FAM219B: variants seen among roughly 807,000 people sequenced by gnomAD.
FAM219B encodes family with sequence similarity 219 member B.
FAM219B carries 18 observed loss-of-function variants against 19.9 expected under a neutral mutation model. That is an observed-to-expected ratio of 0.91 (90% confidence interval 0.63 to 1.34). FAM219B has a LOEUF of 1.34. Among genes scored for constraint, FAM219B ranks in the 40% most tolerant of loss-of-function variants. The pLI is 0.00. For missense variants in FAM219B, 283 were observed against 270.5 expected (o/e 1.05, Z -0.32); for synonymous variants, 123 against 117.5 (o/e 1.05, Z -0.30).
chr15:74,900,289 G>C lies in FAM219B; in HGVS notation c.*2330C>G, dbSNP rs1408934883. On this transcript the variant is annotated 3_prime_UTR_variant, in exon 5 of 5. Transcript: ENST00000357635. The stretch of plus-strand genomic sequence containing the variant: ...AGGTCCCTCCAGCTTTTTCTACAAG[G>C]TAACACCCTCCTACATGGGGTCAGC... 6.6e-6 allele frequency: 1 copy of C among 152,284 alleles called. No homozygotes were observed. The highest frequency in any genetic ancestry group is 1.5e-5 in the Non-Finnish European group (1 of 68,152). The allele number at this position is 152,284 out of a possible 1,614,324, so 9.4% of individuals were successfully genotyped here. A position where few individuals can be genotyped will look rare whatever the true frequency, so the allele number is the denominator to read the frequency against.
chr15:74,906,567 G>T lies in FAM219B; in HGVS notation c.214+20C>A. On this transcript the variant is annotated intron_variant, in intron 1 of 4. Transcript: ENST00000357635. ...GCCCGCCCAGGGAGAAACCTCCCCCGACCATCGGGCCACACTCACGCAGCT... is the reference window on the plus strand; with the variant it reads ...GCCCGCCCAGGGAGAAACCTCCCCCTACCATCGGGCCACACTCACGCAGCT... 6.7e-7 allele frequency: 1 copy of T among 1,492,818 alleles called. No homozygotes were observed. Among genetic ancestry groups the T allele is most frequent in the South Asian group, 1.4e-5 (1 of 72,124 alleles). 92.5% of individuals were successfully genotyped at this position (1,492,818 alleles called of 1,614,324 possible). A position where few individuals can be genotyped will look rare whatever the true frequency, so the allele number is the denominator to read the frequency against.
intron 4 of FAM219B, among the ~76,000 whole-genome samples, chr15:74,903,326 C>T (rs1249819923): frequency 6.6e-6 from 1 of 152,038 alleles, no homozygotes; most frequent in Non-Finnish European, 1.5e-5. Context: ...TAAGGCTGGG[C>T]GTGGTGGCTC....
downstream of FAM219B, chr15:74,899,229 G>C (rs533135678): frequency 6.6e-6 from 1 of 152,342 alleles, no homozygotes; most frequent in East Asian, 1.9e-4. Flanking sequence ...TGCAATCGTA[G>C]ATCCTGTCAC....
chr15:74,904,751 T>G (rs1475602732), intron 3 of FAM219B, 39 bp from the exon 4 acceptor site: 1 of 1,612,724 alleles, frequency 6.2e-7, no homozygotes, highest in Non-Finnish European at 8.5e-7. Flanking sequence ...GGGAGGTACC[T>G]GTGGTGCACA....
intron 2 of FAM219B, chr15:74,905,694 T>A (rs1481786009): frequency 5.2e-6 from 1 of 194,030 alleles, no homozygotes; most frequent in Admixed American, 5.3e-5. Flanking sequence ...ATTACAGTCG[T>A]GAGCCACCAC....
chr15:74,902,867 G>T, intron 4 of FAM219B, 81 bp from the exon 5 acceptor site: 1 of 1,491,534 alleles, frequency 6.7e-7, no homozygotes, highest in Non-Finnish European at 9.0e-7. Context: ...ACCACATTCC[G>T]TTACCAGGGC....
At chr15:74,906,477 G>A (rs2065200037) in intron 1 of FAM219B, 110 bp downstream of exon 1, 2 of 1,520,870 alleles carry the variant, frequency 1.3e-6, no homozygotes, top group Non-Finnish European at 1.8e-6. Flanking sequence ...GCAGGCTGCA[G>A]CTAACCCCTT....
At chr15:74,905,838 T>A (rs1269173119) in intron 2 of FAM219B, 1 of 169,690 alleles carries the variant, frequency 5.9e-6, no homozygotes, top group Non-Finnish European at 1.3e-5. Flanking sequence ...GGGTAAAAGG[T>A]TAGGGTTAAC....
intron 2 of FAM219B, 174 bp downstream of exon 2, chr15:74,906,104 A>T: frequency 1.5e-6 from 1 of 674,086 alleles, no homozygotes. Context: ...ATCCTATCAC[A>T]TCCTTAAAGG....
In FAM219B at chr15:74,905,196, C is replaced by A; in HGVS notation, c.338G>T (p.Ser113Ile). 2.5e-6 allele frequency: 4 copies of A among 1,614,046 alleles called. No individual in the cohort carries two copies. The highest frequency in any genetic ancestry group is 3.4e-6 in the Non-Finnish European group (4 of 1,179,962). ...CACCAGGTTTTCATCTGGACTCTGG[C>A]TAAGAGCAGTATAGCCCTTGTTAAA... ...VKFNKGYTALSQSPDENLVSL... is the reference protein window; with the variant it reads ...VKFNKGYTALIQSPDENLVSL... The change falls in exon 3 of 5, where the codon AGC becomes ATC. Residue 113 changes from serine (S) to isoleucine (I), a missense_variant. Ser to Ile is a moderately radical substitution (Grantham distance 142, BLOSUM62 -2). Coordinates refer to ENST00000357635, the MANE Select transcript of FAM219B (RefSeq NM_020447.5).
chr15:74,906,776 G>A lies in FAM219B; in HGVS notation c.25C>T (p.Arg9Cys). The A allele has an allele frequency of 2.3e-6, 3 of 1,289,586 alleles. No individual in the cohort carries two copies. Among genetic ancestry groups the A allele is most frequent in the Non-Finnish European group, 2.9e-6 (3 of 1,018,386 alleles). 79.9% of individuals were successfully genotyped at this position (1,289,586 alleles called of 1,614,324 possible). MATAEPSGRALRLSTPGPR... is the reference protein window; with the variant it reads MATAEPSGCALRLSTPGPR... Reference sequence around the variant, plus strand: ...CCCGGGGTAGACAACCGCAACGCGCGCCCGCTGGGCTCCGCGGTCGCCATG... The same window carrying A: ...CCCGGGGTAGACAACCGCAACGCGCACCCGCTGGGCTCCGCGGTCGCCATG... Residue 9 changes from arginine to cysteine, a missense_variant, in exon 1 of 5, where the codon CGC becomes TGC. By Grantham distance (180) the Arg-to-Cys change is radical (BLOSUM62 -3). Coordinates refer to ENST00000357635, the MANE Select transcript of FAM219B (RefSeq NM_020447.5).
At chr15:74,906,494 G>C in intron 1 of FAM219B, 93 bp downstream of exon 1, 9 of 1,489,694 alleles carry the variant, frequency 6.0e-6, no homozygotes, top group Non-Finnish European at 8.1e-6. Context: ...CCTTCCCTCC[G>C]GGGCCGAGGC....
chr15:74,903,560 C>T (rs2065054482), intron 4 of FAM219B, among the ~76,000 whole-genome samples: 1 of 136,906 alleles, frequency 7.3e-6, no homozygotes, highest in Admixed American at 7.9e-5. Flanking sequence ...GAGATCATGC[C>T]ACTGCACTCC....
At position 74,900,193 on chromosome 15, in the gene FAM219B, G is replaced by A. The variant is rs2064894418; in HGVS notation, c.*2426C>T. The A allele has an allele frequency of 6.6e-6, 1 of 152,226 alleles. No individual in the cohort carries two copies. Among genetic ancestry groups the A allele is most frequent in the Non-Finnish European group, 1.5e-5 (1 of 68,076 alleles). The allele number at this position is 152,226 out of a possible 1,614,324, so 9.4% of individuals were successfully genotyped here. A position where few individuals can be genotyped will look rare whatever the true frequency, so the allele number is the denominator to read the frequency against. ...CAGTTTGGCCCTGGGCACATTGGTG[G>A]TATTTTGGTATGTGGCCACTGGCCC... On this transcript the variant is annotated 3_prime_UTR_variant, in exon 5 of 5. Transcript: ENST00000357635.
intron 3 of FAM219B, 156 bp downstream of exon 3, chr15:74,904,998 C>G (rs1213132353): frequency 6.5e-7 from 1 of 1,544,598 alleles, no homozygotes; most frequent in South Asian, 1.2e-5. Flanking sequence ...GTCTTCTAAC[C>G]AAGCCATCCT....
At chr15:74,905,475 G>C (rs562641435) in intron 2 of FAM219B, 40 of 397,486 alleles carry the variant, frequency 1.0e-4, no homozygotes, top group South Asian at 9.1e-4. Context: ...CCAGGCTGCA[G>C]TGCAGTGGCG....
At position 74,905,244 on chromosome 15, in the gene FAM219B, G is replaced by C. The variant is rs539428806; in HGVS notation, c.303-13C>G. 2.5e-6 allele frequency: 4 copies of C among 1,612,888 alleles called. No homozygotes were observed. The South Asian group carries it at 4.4e-5, about 18-fold the overall frequency. ...AAACTTCACTGACCTGAGGGGAGAC[G>C]GGGGAGAAGAGACCAAACATAGATG... On this transcript the variant is annotated splice_polypyrimidine_tract_variant and intron_variant, in intron 2 of 4. Transcript: ENST00000357635.
Position 74,904,647 on chromosome 15 carries a change from A to T in FAM219B, c.429+17T>A, listed in dbSNP as rs1328349916. 1 of 1,614,172 alleles carries T rather than the reference A, an allele frequency of 6.2e-7. No individual in the cohort carries two copies. Among genetic ancestry groups the T allele is most frequent in the Non-Finnish European group, 8.5e-7 (1 of 1,179,984 alleles). ...GCCTGCAGCCTGGCCCTGCACAGAA[A>T]GGTGTTCTGGACTTGCCTCTGCAGA... On this transcript the variant is annotated intron_variant, in intron 4 of 4. Coordinates refer to ENST00000357635, the MANE Select transcript of FAM219B (RefSeq NM_020447.5).
chr15:74,906,565 C>T (rs777647481), intron 1 of FAM219B, 22 bp downstream of exon 1: 4 of 1,490,752 alleles, frequency 2.7e-6, no homozygotes, highest in Non-Finnish European at 3.6e-6. Context: ...GAAACCTCCC[C>T]CGACCATCGG....
Sources: allele counts gnomAD v4.1 joint callset (sites outside exome capture counted in the v4.1 genomes callset), GRCh38; gene constraint gnomAD v4.1.1; transcripts MANE v1.5; gene names NCBI Gene and HGNC (gene_info 2026-07-23, HGNC 2026-07-21).